FOXP1: variants seen among roughly 807,000 people sequenced by gnomAD.
FOXP1 encodes forkhead box protein P1.
Under a neutral mutation model 98.2 loss-of-function variants are expected in FOXP1, and 15 were observed. The ratio of observed to expected loss-of-function variants is 0.15; its 90% CI spans 0.10 to 0.24. FOXP1 has a LOEUF of 0.24. Ranked by LOEUF, FOXP1 falls within the 10% of genes least tolerant of loss-of-function variation. FOXP1 has a pLI of 1.00. For missense variants in FOXP1, 633 were observed against 848.5 expected, an observed-to-expected ratio of 0.75 and a Z score of 3.15; for synonymous variants, 371 against 314.5, an observed-to-expected ratio of 1.18 and a Z score of -1.90.
intron 2 of FOXP1, among the ~76,000 whole-genome samples, chr3:71,502,258 G>A (rs2041446107): frequency 1.3e-5 from 2 of 152,348 alleles, no homozygotes; most frequent in South Asian, 2.1e-4. Flanking sequence ...AGCAGGGCAA[G>A]TGGCGGCCCG....
chr3:71,109,844 T>C (rs1559947245), intron 7 of FOXP1, among the ~76,000 whole-genome samples: 1 of 151,248 alleles, frequency 6.6e-6, no homozygotes. Context: ...TCGTCTGTGA[T>C]ACACACACAC....
At chr3:71,282,433 GAGAA>G (rs1175480086) in intron 5 of FOXP1, among the ~76,000 whole-genome samples, 4 of 151,790 alleles carry the variant, frequency 2.6e-5, no homozygotes, top group Non-Finnish European at 5.9e-5. Flanking sequence ...TAACCTCCTT[GAGAA>G]CTTACTACAT....
intron 11 of FOXP1, among the ~76,000 whole-genome samples, chr3:71,030,904 A>G (rs774448253): frequency 4.6e-5 from 7 of 152,192 alleles, no homozygotes; most frequent in Non-Finnish European, 5.9e-5. Flanking sequence ...GAAAAATTTA[A>G]GTTGAATATA....
intron 6 of FOXP1, among the ~76,000 whole-genome samples, chr3:71,129,145 A>C (rs1271259424): frequency 6.6e-6 from 1 of 152,140 alleles, no homozygotes. Context: ...AAAGCAGCCC[A>C]CTGTTCCCAC....
intron 3 of FOXP1, among the ~76,000 whole-genome samples, chr3:71,370,846 G>C (rs1196699861): frequency 1.4e-5 from 2 of 145,010 alleles, no homozygotes; most frequent in African/African-American, 5.1e-5. Flanking sequence ...CTGTGGCCCA[G>C]GATGGAATGC....
chr3:71,169,489 T>C (rs1271847580), intron 6 of FOXP1, among the ~76,000 whole-genome samples: 4 of 152,218 alleles, frequency 2.6e-5, no homozygotes, highest in Non-Finnish European at 5.9e-5. Context: ...ACTTACATTC[T>C]AGCCTCATGT....
At chr3:71,203,133 C>T (rs1237622467) in intron 5 of FOXP1, among the ~76,000 whole-genome samples, 1 of 152,188 alleles carries the variant, frequency 6.6e-6, no homozygotes, top group South Asian at 2.1e-4. Context: ...AGAAACAAGA[C>T]CAAATCTTCC....
intron 7 of FOXP1, among the ~76,000 whole-genome samples, chr3:71,056,433 G>A (rs957981949): frequency 6.6e-6 from 1 of 152,166 alleles, no homozygotes; most frequent in African/African-American, 2.4e-5. Context: ...ACAGGATAAT[G>A]AACTTGAGTC....
intron 12 of FOXP1, among the ~76,000 whole-genome samples, chr3:71,011,577 C>T (rs890854639): frequency 1.3e-5 from 2 of 152,104 alleles, no homozygotes; most frequent in South Asian, 2.1e-4. Flanking sequence ...ACTGGACTTC[C>T]TAGCAATAGG....
At position 71,561,512 on chromosome 3, in the gene FOXP1, G is replaced by A. The variant is rs59392923; in HGVS notation, c.-298+20037C>T. Among the ~76,000 whole-genome samples the A allele has an allele frequency of 9.6e-3, 1,451 of 151,324 alleles. 27 individuals are homozygous for A. Among genetic ancestry groups the A allele is most frequent in the African/African-American group, 0.033 (1,365 of 41,208 alleles). On this transcript the variant is annotated intron_variant, in intron 2 of 20. Transcript: ENST00000649528. ...ATTTTAGATGAAATAGGAAAAGATC[G>A]AACTATGTGACTGAGTAAGCTCTTA...
chr3:71,115,519 T>G (rs2058306766), intron 6 of FOXP1, among the ~76,000 whole-genome samples: 1 of 151,400 alleles, frequency 6.6e-6, no homozygotes, highest in South Asian at 2.1e-4. Flanking sequence ...GTATTTTTAG[T>G]AGAGACGGGG....
intron 2 of FOXP1, among the ~76,000 whole-genome samples, chr3:71,536,341 T>G (rs573505260): frequency 1.8e-4 from 27 of 152,292 alleles, no homozygotes; most frequent in Admixed American, 2.0e-4. Context: ...TCGCTTACCC[T>G]ACGCATCCCC....
At chr3:71,003,251 G>A (rs2042340026) in intron 12 of FOXP1, among the ~76,000 whole-genome samples, 1 of 152,206 alleles carries the variant, frequency 6.6e-6, no homozygotes, top group Non-Finnish European at 1.5e-5. Flanking sequence ...ACAAGGGGTT[G>A]AAGATAATGA....
intron 2 of FOXP1, among the ~76,000 whole-genome samples, chr3:71,541,513 C>T (rs2044810036): frequency 6.6e-6 from 1 of 152,184 alleles, no homozygotes; most frequent in Non-Finnish European, 1.5e-5. Flanking sequence ...TAAAAACAAT[C>T]TGCATACTTC....
chr3:71,114,894 A>C (rs2058240045), intron 6 of FOXP1, among the ~76,000 whole-genome samples: 1 of 152,154 alleles, frequency 6.6e-6, no homozygotes, highest in African/African-American at 2.4e-5. Context: ...GTAGGTGTAA[A>C]AGTGGGCAGA....
intron 3 of FOXP1, among the ~76,000 whole-genome samples, chr3:71,438,510 T>C (rs930585377): frequency 1.3e-5 from 2 of 152,132 alleles, no homozygotes; most frequent in Admixed American, 1.3e-4. Context: ...CAAAAGGATT[T>C]AGCATCCTAG....
chr3:71,194,570 C>T (rs1220392392), intron 6 of FOXP1, among the ~76,000 whole-genome samples: 2 of 128,998 alleles, frequency 1.6e-5, no homozygotes, highest in African/African-American at 6.0e-5. Flanking sequence ...TTGTTCTGGA[C>T]ATTTTAAAAT....
chr3:71,522,392 G>A (rs2043057592), intron 2 of FOXP1, among the ~76,000 whole-genome samples: 1 of 152,208 alleles, frequency 6.6e-6, no homozygotes, highest in African/African-American at 2.4e-5. Context: ...AGAGAAGATA[G>A]GAAATTGGGG....
intron 2 of FOXP1, among the ~76,000 whole-genome samples, chr3:71,573,128 T>G (rs2047462284): frequency 2.0e-5 from 3 of 152,226 alleles, no homozygotes. Flanking sequence ...AAGTCACTTC[T>G]AACAAAGAGA....
Sources: gnomAD v4.1 joint callset for allele counts (sites outside exome capture counted in the v4.1 genomes callset) on GRCh38, gnomAD v4.1.1 for gene constraint, MANE v1.5 for transcripts, NCBI Gene and HGNC (gene_info 2026-07-23, HGNC 2026-07-21) for gene names.